The following DDR2 variants were observed in gnomAD, a reference collection of about 807,000 sequenced individuals.
DDR2 encodes discoidin domain receptor tyrosine kinase 2, also known as discoidin domain-containing receptor 2.
DDR2 carries 27 observed loss-of-function variants against 94.9 expected under a neutral mutation model. The ratio of observed to expected loss-of-function variants is 0.28; its 90% CI spans 0.21 to 0.39. The LOEUF (loss-of-function observed/expected upper bound fraction) is 0.39. Among genes scored for constraint, DDR2 ranks in the 10% least tolerant of loss-of-function variants. DDR2 has a pLI of 1.00. For missense variants in DDR2, 783 were observed against 1,076.0 expected (o/e 0.73, Z 3.81); for synonymous variants, 382 against 377.2 (o/e 1.01, Z -0.15).
intron 9 of DDR2, 39 bp downstream of exon 9, chr1:162,761,493 G>A: frequency 6.2e-7 from 1 of 1,614,016 alleles, no homozygotes; most frequent in Non-Finnish European, 8.5e-7. Flanking sequence ...TGGGAGCAAG[G>A]TGATGAAGGA....
At chr1:162,678,372 G>T (rs534811669) in intron 2 of DDR2, among the ~76,000 whole-genome samples, 3 of 152,170 alleles carry the variant, frequency 2.0e-5, no homozygotes, top group Non-Finnish European at 2.9e-5. Flanking sequence ...AGTGCATGAC[G>T]CAGAGTAAAC....
Position 162,712,540 on chromosome 1 carries a change from C to T in DDR2, c.-27-6497C>T, listed in dbSNP as rs1006732275. Among the ~76,000 whole-genome samples the T allele has an allele frequency of 2.0e-5, 3 of 152,132 alleles. No individual in the cohort carries two copies. In the South Asian group the frequency reaches 6.2e-4, roughly 32 times the overall value. On this transcript the variant is annotated intron_variant, in intron 2 of 17. Coordinates refer to ENST00000367921, the MANE Select transcript of DDR2 (RefSeq NM_006182.4). ...CTTCCTGGTTTCCTGGTGGCTTTGACACATGGCCTGTCCAGATCCCAGTGG... is the reference window on the plus strand; with the variant it reads ...CTTCCTGGTTTCCTGGTGGCTTTGATACATGGCCTGTCCAGATCCCAGTGG...
At position 162,773,878 on chromosome 1, in the gene DDR2, T is replaced by C. The variant is rs1647369736; in HGVS notation, c.1856+282T>C. ...TGTACTTGTTCCCAACATATACAAC[T>C]GTCTAAATGTGTACTTCTTTGGTCT... On this transcript the variant is annotated intron_variant, in intron 14 of 17. Transcript: ENST00000367921. Among the ~76,000 whole-genome samples, 2 of 152,236 alleles carry C rather than the reference T, an allele frequency of 1.3e-5. 1 individual carries two copies. The highest frequency in any genetic ancestry group is 4.1e-4 in the South Asian group (2 of 4,832).
chr1:162,687,481 G>T (rs372029175), intron 2 of DDR2, among the ~76,000 whole-genome samples: 1 of 152,216 alleles, frequency 6.6e-6, no homozygotes, highest in African/African-American at 2.4e-5. Flanking sequence ...ATTTTGAAGT[G>T]GGTTTTTTTC....
intron 3 of DDR2, among the ~76,000 whole-genome samples, chr1:162,729,038 AT>A (rs1285948454): frequency 6.6e-6 from 1 of 151,844 alleles, no homozygotes; most frequent in Non-Finnish European, 1.5e-5. Context: ...AAAGACTGTG[AT>A]TTGTTACTTT....
intron 2 of DDR2, among the ~76,000 whole-genome samples, chr1:162,689,333 G>C (rs1157733689): frequency 2.0e-5 from 3 of 152,188 alleles, no homozygotes; most frequent in East Asian, 1.9e-4. Context: ...TATGTGGTAA[G>C]GGCAGTTATT....
intron 2 of DDR2, among the ~76,000 whole-genome samples, chr1:162,705,290 T>A (rs1660610621): frequency 6.6e-6 from 1 of 152,142 alleles, no homozygotes; most frequent in South Asian, 2.1e-4. Flanking sequence ...CCCCTGCCAT[T>A]GGTGATTTTC....
At chr1:162,726,939 A>G (rs1174995045) in intron 3 of DDR2, among the ~76,000 whole-genome samples, 1 of 151,856 alleles carries the variant, frequency 6.6e-6, no homozygotes, top group Non-Finnish European at 1.5e-5. Flanking sequence ...CATAAGATCA[A>G]GACATACAAT....
intron 2 of DDR2, among the ~76,000 whole-genome samples, chr1:162,696,173 T>A (rs1167316800): frequency 6.7e-6 from 1 of 150,344 alleles, no homozygotes; most frequent in African/African-American, 2.5e-5. Flanking sequence ...ACAGAAGACA[T>A]GGAAATGTTT....
intron 1 of DDR2, among the ~76,000 whole-genome samples, chr1:162,647,883 A>G (rs1003427664): frequency 6.6e-6 from 1 of 152,032 alleles, no homozygotes; most frequent in African/African-American, 2.4e-5. Context: ...TGTGACCTGT[A>G]TGTGTCTTGT....
At chr1:162,740,688 A>C (rs746307294) in intron 3 of DDR2, among the ~76,000 whole-genome samples, 2 of 152,236 alleles carry the variant, frequency 1.3e-5, no homozygotes, top group Non-Finnish European at 2.9e-5. Context: ...CCACATGAGA[A>C]TGTAAACTCA....
At chr1:162,741,571 A>G (rs1053018500) in intron 3 of DDR2, 1 of 985,164 alleles carries the variant, frequency 1.0e-6, no homozygotes, top group Non-Finnish European at 1.2e-6. Flanking sequence ...TAAGAATTCT[A>G]TTATCAGGGT....
intron 3 of DDR2, 133 bp from the exon 4 acceptor site, chr1:162,752,962 G>A (rs983228037): frequency 1.1e-5 from 8 of 748,446 alleles, no homozygotes; most frequent in Non-Finnish European, 1.1e-5. Flanking sequence ...ATCAAACTGG[G>A]GCCATAGAGG....
intron 5 of DDR2, 137 bp downstream of exon 5, chr1:162,754,992 G>A: frequency 2.8e-6 from 4 of 1,415,650 alleles, no homozygotes; most frequent in Non-Finnish European, 3.9e-6. Context: ...TGTGACCCAG[G>A]GTGAGGGAGG....
At chr1:162,666,036 T>A (rs1257819841) in intron 2 of DDR2, among the ~76,000 whole-genome samples, 1 of 152,152 alleles carries the variant, frequency 6.6e-6, no homozygotes, top group African/African-American at 2.4e-5. Flanking sequence ...TATGTCCATG[T>A]TGGACAAAAA....
At chr1:162,697,940 A>C (rs911909663) in intron 2 of DDR2, among the ~76,000 whole-genome samples, 1 of 152,180 alleles carries the variant, frequency 6.6e-6, no homozygotes, top group Non-Finnish European at 1.5e-5. Context: ...TGGTGGAGTG[A>C]TAGTAGAAGT....
intron 1 of DDR2, among the ~76,000 whole-genome samples, chr1:162,637,036 G>A (rs1015358120): frequency 1.3e-5 from 2 of 151,748 alleles, no homozygotes; most frequent in South Asian, 2.1e-4. Flanking sequence ...AAATATCATA[G>A]CATCCTGGTA....
At chr1:162,644,374 A>C (rs751740688) in intron 1 of DDR2, among the ~76,000 whole-genome samples, 9 of 152,226 alleles carry the variant, frequency 5.9e-5, no homozygotes, top group Non-Finnish European at 1.2e-4. Flanking sequence ...ACAGTTTCTC[A>C]GAGCTATTGA....
chr1:162,774,942 A>G (rs1014805357), intron 14 of DDR2, among the ~76,000 whole-genome samples: 2 of 152,138 alleles, frequency 1.3e-5, no homozygotes, highest in Admixed American at 6.5e-5. Flanking sequence ...ATCTGCTCCA[A>G]CAGTTTTGGG....
Sources: allele counts gnomAD v4.1 joint callset (sites outside exome capture counted in the v4.1 genomes callset), GRCh38; gene constraint gnomAD v4.1.1; transcripts MANE v1.5; gene names NCBI Gene and HGNC (gene_info 2026-07-23, HGNC 2026-07-21).